RNF150: variants seen among roughly 807,000 people sequenced by gnomAD.
RNF150 encodes the protein ring finger protein 150.
RNF150 carries 24 observed loss-of-function variants against 39.3 expected under a neutral mutation model. The ratio of observed to expected loss-of-function variants is 0.61; its 90% CI spans 0.44 to 0.86. The LOEUF is 0.86. RNF150 is among the 40% of genes least tolerant of loss of function. The pLI, the probability that RNF150 is intolerant of heterozygous loss-of-function variation, is 0.00. For missense variants in RNF150, 502 were observed against 587.8 expected (o/e 0.85, Z 1.51); for synonymous variants, 255 against 227.3 (o/e 1.12, Z -1.10).
At chr4:141,086,878 C>A (rs1399064482) in intron 1 of RNF150, among the ~76,000 whole-genome samples, 2 of 151,690 alleles carry the variant, frequency 1.3e-5, no homozygotes, top group South Asian at 2.1e-4. Flanking sequence ...CTTCAGGAAA[C>A]CTTTCCTTTT....
chr4:141,003,742 A>C (rs937030722), intron 1 of RNF150, among the ~76,000 whole-genome samples: 1 of 152,178 alleles, frequency 6.6e-6, no homozygotes, highest in Non-Finnish European at 1.5e-5. Context: ...CAGAGAGGAG[A>C]ATCCTGGTCA....
chr4:140,910,174 C>T (rs1730538924), intron 6 of RNF150, among the ~76,000 whole-genome samples: 1 of 152,060 alleles, frequency 6.6e-6, no homozygotes. Context: ...TTATAAAAAT[C>T]ACAAATATGT....
intron 4 of RNF150, among the ~76,000 whole-genome samples, chr4:140,935,425 CG>C (rs1227082685): frequency 6.6e-6 from 1 of 151,838 alleles, no homozygotes; most frequent in Non-Finnish European, 1.5e-5. Context: ...GCATTCATCC[CG>C]TGTGTCTACT....
chr4:141,015,390 C>T (rs146205875), intron 1 of RNF150, among the ~76,000 whole-genome samples: 73 of 152,208 alleles, frequency 4.8e-4, no homozygotes, highest in African/African-American at 1.6e-3. Flanking sequence ...TCTATAAACA[C>T]GGGATATCTT....
At chr4:140,984,840 C>T (rs1733971690) in intron 1 of RNF150, among the ~76,000 whole-genome samples, 1 of 152,128 alleles carries the variant, frequency 6.6e-6, no homozygotes, top group Admixed American at 6.6e-5. Flanking sequence ...TGAAACTCTG[C>T]TGCACATTTT....
chr4:141,047,208 A>G (rs1736612042), intron 1 of RNF150, among the ~76,000 whole-genome samples: 1 of 152,164 alleles, frequency 6.6e-6, no homozygotes, highest in South Asian at 2.1e-4. Flanking sequence ...TTAGAAAGCT[A>G]GTTTAGAAAA....
chr4:141,071,639 C>T (rs1737709934), intron 1 of RNF150, among the ~76,000 whole-genome samples: 1 of 152,062 alleles, frequency 6.6e-6, no homozygotes. Flanking sequence ...TGATTACATT[C>T]TCCAATGAAA....
intron 1 of RNF150, among the ~76,000 whole-genome samples, chr4:141,083,018 GT>G (rs1243590426): frequency 6.6e-6 from 1 of 151,920 alleles, no homozygotes; most frequent in Non-Finnish European, 1.5e-5. Context: ...CTTTCTTTTT[GT>G]TTTCAAACCT....
At chr4:140,907,764 C>CCAT in intron 6 of RNF150, among the ~76,000 whole-genome samples, 1 of 152,300 alleles carries the variant, frequency 6.6e-6, no homozygotes. Flanking sequence ...AGTTCCAGCC[C>CCAT]CATCTGTCAC....
At chr4:141,130,351 A>T (rs753736604) in intron 1 of RNF150, among the ~76,000 whole-genome samples, 25 of 145,840 alleles carry the variant, frequency 1.7e-4, no homozygotes, top group Non-Finnish European at 3.2e-4. Context: ...TTTCCTGGCC[A>T]TTGGCAGATA....
intron 1 of RNF150, among the ~76,000 whole-genome samples, chr4:141,189,294 C>T (rs1367730322): frequency 6.6e-6 from 1 of 152,182 alleles, no homozygotes; most frequent in Non-Finnish European, 1.5e-5. Context: ...GGGCACCCTC[C>T]AGAAGCCAGC....
intron 4 of RNF150, among the ~76,000 whole-genome samples, chr4:140,936,946 T>C (rs937879042): frequency 1.3e-5 from 2 of 152,214 alleles, no homozygotes; most frequent in Non-Finnish European, 2.9e-5. Flanking sequence ...AAAAATTTAC[T>C]ACTCCATGGT....
intron 1 of RNF150, among the ~76,000 whole-genome samples, chr4:141,042,306 C>T (rs960299258): frequency 1.3e-5 from 2 of 152,174 alleles, no homozygotes; most frequent in African/African-American, 2.4e-5. Flanking sequence ...AAGACAAATA[C>T]GACTTAGTCA....
intron 1 of RNF150, among the ~76,000 whole-genome samples, chr4:141,009,996 T>C (rs577776392): frequency 6.6e-6 from 1 of 152,160 alleles, no homozygotes; most frequent in African/African-American, 2.4e-5. Context: ...CTGTGAGAAA[T>C]GTTACTTGAT....
chr4:141,170,889 G>C (rs1727705630), intron 1 of RNF150, among the ~76,000 whole-genome samples: 1 of 152,132 alleles, frequency 6.6e-6, no homozygotes. Flanking sequence ...ACTTCCACCT[G>C]GTTGCATAAG....
intron 4 of RNF150, among the ~76,000 whole-genome samples, chr4:140,944,175 AC>A (rs1299780509): frequency 6.6e-6 from 1 of 152,174 alleles, no homozygotes; most frequent in Non-Finnish European, 1.5e-5. Flanking sequence ...ATAAAATGAA[AC>A]ATCTTTTGTG....
intron 6 of RNF150, among the ~76,000 whole-genome samples, chr4:140,887,608 C>T (rs1729626194): frequency 6.6e-6 from 1 of 152,180 alleles, no homozygotes; most frequent in Non-Finnish European, 1.5e-5. Flanking sequence ...CACCATGTGA[C>T]AGCCTTATCC....
At chr4:141,130,701 C>T (rs1578756688) in intron 1 of RNF150, among the ~76,000 whole-genome samples, 1 of 152,120 alleles carries the variant, frequency 6.6e-6, no homozygotes, top group East Asian at 1.9e-4. Flanking sequence ...GTTTAAAGAA[C>T]AACAAAAACA....
intron 1 of RNF150, among the ~76,000 whole-genome samples, chr4:141,194,878 A>G (rs1728172841): frequency 6.6e-6 from 1 of 152,156 alleles, no homozygotes; most frequent in Non-Finnish European, 1.5e-5. Flanking sequence ...GCCTGCTCGG[A>G]AAAATGGGAT....
Sources: gnomAD v4.1 joint callset for allele counts (sites outside exome capture counted in the v4.1 genomes callset) on GRCh38, gnomAD v4.1.1 for gene constraint, MANE v1.5 for transcripts, NCBI Gene and HGNC (gene_info 2026-07-23, HGNC 2026-07-21) for gene names.